Variants in PI4KA observed in about 807,000 individuals in gnomAD.
PI4KA encodes phosphatidylinositol 4-kinase alpha, also known as PI4-kinase alpha.
Under a neutral mutation model 271.4 loss-of-function variants are expected in PI4KA, and 122 were observed. That is an observed-to-expected ratio of 0.45 (90% CI 0.39 to 0.52). The LOEUF (loss-of-function observed/expected upper bound fraction) is 0.52, where lower values mean the gene tolerates loss of function less well. Ranked by LOEUF, PI4KA falls within the 20% of genes least tolerant of loss-of-function variation. PI4KA has a pLI of 0.00. For missense variants in PI4KA, 1,969 were observed against 2,769.1 expected, an observed-to-expected ratio of 0.71 and a Z score of 6.48; for synonymous variants, 1,041 against 1,078.8, an observed-to-expected ratio of 0.96 and a Z score of 0.69.
At chr22:20,786,848 A>C in intron 19 of PI4KA, 1 of 1,613,384 alleles carries the variant, frequency 6.2e-7, no homozygotes, top group Non-Finnish European at 8.5e-7. Context: ...TGACCTCCAG[A>C]ATCTGACAAC....
At chr22:20,776,495 T>G (rs1388092455) in intron 19 of PI4KA, among the ~76,000 whole-genome samples, 1 of 152,144 alleles carries the variant, frequency 6.6e-6, no homozygotes, top group Non-Finnish European at 1.5e-5. Flanking sequence ...TCAAAAGTCT[T>G]TCTTAGTTGT....
At chr22:20,834,497 G>T in intron 3 of PI4KA, 65 bp downstream of exon 3, 1 of 968,958 alleles carries the variant, frequency 1.0e-6, no homozygotes, top group Non-Finnish European at 1.7e-6. Context: ...ATAAACACTT[G>T]ATCCTACAGA....
intron 4 of PI4KA, among the ~76,000 whole-genome samples, chr22:20,822,274 C>A (rs1052512095): frequency 6.6e-6 from 1 of 151,820 alleles, no homozygotes; most frequent in Non-Finnish European, 1.5e-5. Flanking sequence ...CTCAAATTCC[C>A]GGGCTCAAGT....
At chr22:20,757,167 T>A (rs1197686727) in intron 23 of PI4KA, among the ~76,000 whole-genome samples, 1 of 152,186 alleles carries the variant, frequency 6.6e-6, no homozygotes, top group Non-Finnish European at 1.5e-5. Context: ...CTCCTCCTGG[T>A]AGGTTCTGAA....
At chr22:20,752,285 C>T (rs570109764) in intron 25 of PI4KA, among the ~76,000 whole-genome samples, 2 of 152,280 alleles carry the variant, frequency 1.3e-5, no homozygotes, top group South Asian at 2.1e-4. Flanking sequence ...CTGGCTGGCT[C>T]CTGACCACCT....
At chr22:20,769,562 G>A (rs576585283) in intron 19 of PI4KA, among the ~76,000 whole-genome samples, 1 of 152,082 alleles carries the variant, frequency 6.6e-6, no homozygotes, top group South Asian at 2.1e-4. Context: ...CCAGGTACTC[G>A]GGAGGCTGAA....
In PI4KA at chr22:20,838,668, G is replaced by A. The variant is rs754997245; in HGVS notation, c.220C>T (p.Arg74Trp). 1.1e-5 allele frequency: 18 copies of A among 1,613,162 alleles called. No individual in the cohort carries two copies. The highest frequency in any genetic ancestry group is 2.7e-5 in the African/African-American group (2 of 74,858). Residue 74 changes from arginine to tryptophan, a missense_variant, in exon 2 of 55, where the codon CGG (arginine) becomes TGG (tryptophan). Physicochemically the swap from Arg to Trp is moderately radical, Grantham distance 101 (BLOSUM62 -3). Transcript: ENST00000255882. Reference protein sequence around the residue: ...FHGIFQLDERRRDAVIALGIF... With the variant: ...FHGIFQLDERWRDAVIALGIF... ...CCCAATGCAATCACTGCATCTCTCC[G>A]TCTTTCATCTAACTGGAAGATCCCA...
chr22:20,830,603 C>T (rs1376599753), intron 3 of PI4KA, among the ~76,000 whole-genome samples: 1 of 152,044 alleles, frequency 6.6e-6, no homozygotes, highest in African/African-American at 2.4e-5. Flanking sequence ...ATCCAATTTG[C>T]CACAATGTGT....
At chr22:20,744,514 T>C (rs1929836870) in intron 30 of PI4KA, 114 bp downstream of exon 30, 1 of 686,884 alleles carries the variant, frequency 1.5e-6, no homozygotes, top group Non-Finnish European at 2.5e-6. Context: ...TCCTAAAATA[T>C]GTTAATTCCA....
Position 20,783,477 on chromosome 22 carries a change from G to A in PI4KA, c.2328+9716C>T, listed in dbSNP as rs79822115. Among the ~76,000 whole-genome samples the A allele has an allele frequency of 8.3e-4, 126 of 151,640 alleles. 3 individuals carry two copies. In the East Asian group the frequency reaches 0.021, roughly 25 times the overall value. On this transcript the variant is annotated intron_variant, in intron 19 of 54. Coordinates refer to ENST00000255882, the MANE Select transcript of PI4KA (RefSeq NM_058004.4). ...AGACAGAAAGAAAAAATAGCCAGGC[G>A]TGGCATGTGCTTGTAGTCCAAGCTA...
At chr22:20,721,444 G>C in intron 42 of PI4KA, 26 bp from the exon 43 acceptor site, 1 of 1,611,396 alleles carries the variant, frequency 6.2e-7, no homozygotes, top group Non-Finnish European at 8.5e-7. Flanking sequence ...GTCCCTGTCA[G>C]CCAGGCTCGG....
At chr22:20,810,457 C>T (rs943105003) in intron 9 of PI4KA, among the ~76,000 whole-genome samples, 5 of 150,904 alleles carry the variant, frequency 3.3e-5, no homozygotes, top group African/African-American at 7.3e-5. Flanking sequence ...TGCAGTGAGC[C>T]GAGATTGCGC....
At chr22:20,801,360 C>T (rs972629196) in intron 14 of PI4KA, among the ~76,000 whole-genome samples, 40 of 148,706 alleles carry the variant, frequency 2.7e-4, no homozygotes, top group Non-Finnish European at 5.2e-4. Context: ...CTGAGGCAGG[C>T]GGATCACGAG....
intron 1 of PI4KA, among the ~76,000 whole-genome samples, chr22:20,846,524 T>A (rs1443013236): frequency 6.6e-6 from 1 of 151,674 alleles, no homozygotes; most frequent in Non-Finnish European, 1.5e-5. Flanking sequence ...CGCTGGGGCC[T>A]GTGAGGTGGG....
At chr22:20,769,769 G>C (rs1433892953) in intron 19 of PI4KA, among the ~76,000 whole-genome samples, 4 of 151,838 alleles carry the variant, frequency 2.6e-5, no homozygotes, top group Non-Finnish European at 4.4e-5. Context: ...ATGAAACCCT[G>C]ACCAGATAAA....
At chr22:20,784,141 C>T (rs752924150) in intron 19 of PI4KA, 2 of 1,614,174 alleles carry the variant, frequency 1.2e-6, no homozygotes, top group Non-Finnish European at 1.7e-6. Flanking sequence ...TGGGGGGCAT[C>T]AGCATGCTAA....
At chr22:20,780,845 T>C (rs1435160105) in intron 19 of PI4KA, among the ~76,000 whole-genome samples, 1 of 150,222 alleles carries the variant, frequency 6.7e-6, no homozygotes, top group Non-Finnish European at 1.5e-5. Context: ...GAGCCAAAGC[T>C]GAACCCAGGG....
chr22:20,799,239 A>G lies in PI4KA; in HGVS notation c.1858T>C (p.Leu620=). ...HLIPDHTIRA[L]GHIAVALRDT... The stretch of plus-strand genomic sequence containing the variant: ...CTCAAGGCCACCGCAATGTGTCCCA[A>G]GGCTCGGATTGTGTGGTCGGGAATC... The change falls in exon 16 of 55, where the codon TTG becomes CTG. Residue 620 remains leucine, a synonymous_variant. Coordinates refer to ENST00000255882, the MANE Select transcript of PI4KA (RefSeq NM_058004.4). 6.5e-7 allele frequency: 1 copy of G among 1,544,552 alleles called. No homozygotes were observed. Among genetic ancestry groups the G allele is most frequent in the Non-Finnish European group, 8.7e-7 (1 of 1,147,136 alleles).
intron 19 of PI4KA, chr22:20,784,108 C>A: frequency 3.7e-6 from 6 of 1,614,122 alleles, no homozygotes; most frequent in Non-Finnish European, 5.1e-6. Context: ...AGCTGGACTG[C>A]GACATCCTCC....
Sources: allele counts gnomAD v4.1 joint callset (sites outside exome capture counted in the v4.1 genomes callset), GRCh38; gene constraint gnomAD v4.1.1; transcripts MANE v1.5; gene names NCBI Gene and HGNC (gene_info 2026-07-23, HGNC 2026-07-21).